SMAP1: variants seen among roughly 807,000 people sequenced by gnomAD.
SMAP1 encodes the protein stromal membrane-associated protein 1.
SMAP1 carries 24 observed loss-of-function variants against 58.5 expected under a neutral mutation model. That is an observed-to-expected ratio of 0.41 (90% CI 0.30 to 0.58). The LOEUF (loss-of-function observed/expected upper bound fraction) is 0.58, where lower values mean the gene tolerates loss of function less well. Ranked by LOEUF, SMAP1 falls within the 20% of genes least tolerant of loss-of-function variation. The probability of loss-of-function intolerance (pLI) is 0.29; values close to 1 mark genes in which losing one functional copy is unlikely to be tolerated. For missense variants in SMAP1, 563 were observed against 566.3 expected, an observed-to-expected ratio of 0.99 and a Z score of 0.06; for synonymous variants, 216 against 196.6, an observed-to-expected ratio of 1.10 and a Z score of -0.82.
chr6:70,761,886 G>A (rs1398886758), intron 3 of SMAP1, among the ~76,000 whole-genome samples: 1 of 152,016 alleles, frequency 6.6e-6, no homozygotes, highest in Non-Finnish European at 1.5e-5. Context: ...TATACTAAGT[G>A]CTTTATGTAT....
intron 2 of SMAP1, among the ~76,000 whole-genome samples, chr6:70,736,278 G>A (rs1765614950): frequency 6.6e-6 from 1 of 152,144 alleles, no homozygotes. Flanking sequence ...TTCTTTTAAT[G>A]TGGTTCATGG....
intron 1 of SMAP1, among the ~76,000 whole-genome samples, chr6:70,718,423 G>A (rs905250009): frequency 6.6e-6 from 1 of 152,142 alleles, no homozygotes; most frequent in African/African-American, 2.4e-5. Context: ...GGGGGAATGT[G>A]AAAAAGCAAT....
At chr6:70,824,940 T>G (rs1337925673) in intron 6 of SMAP1, among the ~76,000 whole-genome samples, 1 of 152,238 alleles carries the variant, frequency 6.6e-6, no homozygotes, top group Non-Finnish European at 1.5e-5. Context: ...TTCTTTCTGC[T>G]TTTGAAGCAA....
chr6:70,857,847 T>G (rs1439059716), intron 9 of SMAP1, 75 bp from the exon 10 acceptor site: 2 of 1,524,858 alleles, frequency 1.3e-6, no homozygotes, highest in African/African-American at 1.4e-5. Context: ...GAAAGGCAAT[T>G]TTTCTGTGAT....
At chr6:70,742,926 C>A (rs919160122) in intron 2 of SMAP1, among the ~76,000 whole-genome samples, 1 of 152,076 alleles carries the variant, frequency 6.6e-6, no homozygotes, top group Admixed American at 6.6e-5. Context: ...TTTATGACCA[C>A]GAGAACAGTA....
intron 4 of SMAP1, among the ~76,000 whole-genome samples, chr6:70,784,931 C>G (rs1031311193): frequency 1.1e-4 from 16 of 152,274 alleles, no homozygotes; most frequent in African/African-American, 3.9e-4. Flanking sequence ...AGGAATAGAA[C>G]TCAGCTCTGC....
At chr6:70,817,863 G>T (rs912386785) in intron 6 of SMAP1, among the ~76,000 whole-genome samples, 4 of 152,126 alleles carry the variant, frequency 2.6e-5, no homozygotes. Context: ...TTTAGAAATT[G>T]AGAATTGTCT....
intron 4 of SMAP1, among the ~76,000 whole-genome samples, chr6:70,782,531 C>A (rs184344863): frequency 2.0e-4 from 30 of 152,234 alleles, no homozygotes; most frequent in African/African-American, 7.2e-4. Context: ...GCCTAGCTTC[C>A]CAGCCTACAT....
intron 6 of SMAP1, among the ~76,000 whole-genome samples, chr6:70,830,972 C>T (rs1485816383): frequency 1.3e-5 from 2 of 152,216 alleles, no homozygotes; most frequent in Non-Finnish European, 2.9e-5. Context: ...GCTACAGATA[C>T]TGTAATGAGG....
intron 1 of SMAP1, among the ~76,000 whole-genome samples, chr6:70,695,035 C>T (rs1490627354): frequency 6.6e-6 from 1 of 152,066 alleles, no homozygotes; most frequent in Non-Finnish European, 1.5e-5. Flanking sequence ...TTATTTATCT[C>T]ATTGTATTTG....
At chr6:70,771,198 G>C (rs914859425) in intron 3 of SMAP1, among the ~76,000 whole-genome samples, 2 of 152,214 alleles carry the variant, frequency 1.3e-5, no homozygotes, top group East Asian at 3.8e-4. Context: ...CAGAGGTCAG[G>C]GGTCAGGGAC....
chr6:70,710,120 C>T (rs1767992851), intron 1 of SMAP1, among the ~76,000 whole-genome samples: 1 of 152,104 alleles, frequency 6.6e-6, no homozygotes, highest in Non-Finnish European at 1.5e-5. Flanking sequence ...GTACTGAATA[C>T]TGTAGGCAAT....
chr6:70,746,848 G>A (rs891847040), intron 2 of SMAP1, among the ~76,000 whole-genome samples: 2 of 152,106 alleles, frequency 1.3e-5, no homozygotes, highest in Non-Finnish European at 2.9e-5. Context: ...CTCAATTTCA[G>A]AGGCTGATTT....
At chr6:70,778,503 A>T (rs1200224287) in intron 4 of SMAP1, among the ~76,000 whole-genome samples, 1 of 152,240 alleles carries the variant, frequency 6.6e-6, no homozygotes, top group Admixed American at 6.5e-5. Flanking sequence ...GATGTGATGT[A>T]TCACATTTAT....
rs1405889567 is a variant in SMAP1 at position 70,861,918 on chromosome 6, C to T, written c.*1584C>T. ...AGATTCTTGCATCCCTGGCTGGGAT[C>T]CACGACGCTTAAATACAGCTTTTGG... is the stretch of plus-strand genomic sequence containing the variant. On this transcript the variant is annotated 3_prime_UTR_variant, in exon 11 of 11. Coordinates refer to ENST00000370455, the MANE Select transcript of SMAP1 (RefSeq NM_001044305.3). The T allele has an allele frequency of 3.7e-6, 6 of 1,613,616 alleles. No homozygotes were observed. Among genetic ancestry groups the T allele is most frequent in the Non-Finnish European group, 5.1e-6 (6 of 1,179,842 alleles).
At chr6:70,830,330 G>A (rs1770307698) in intron 6 of SMAP1, among the ~76,000 whole-genome samples, 2 of 152,068 alleles carry the variant, frequency 1.3e-5, no homozygotes, top group Admixed American at 6.6e-5. Context: ...GGGAAGGTGT[G>A]GTCATCAAGG....
chr6:70,696,174 C>A (rs1562098375), intron 1 of SMAP1, among the ~76,000 whole-genome samples: 1 of 151,628 alleles, frequency 6.6e-6, no homozygotes, highest in South Asian at 2.1e-4. Flanking sequence ...CTTCGTCTGG[C>A]TTATCTTTTG....
chr6:70,767,885 G>T (rs1433259191), intron 3 of SMAP1, among the ~76,000 whole-genome samples: 3 of 142,472 alleles, frequency 2.1e-5, no homozygotes, highest in Admixed American at 7.2e-5. Context: ...TTGGCTGTGG[G>T]TTTGTCATAG....
chr6:70,738,266 C>T (rs1166380998), intron 2 of SMAP1, among the ~76,000 whole-genome samples: 1 of 152,088 alleles, frequency 6.6e-6, no homozygotes, highest in Non-Finnish European at 1.5e-5. Context: ...AAAATTATAT[C>T]ATGGTTAGTG....
Sources: allele counts gnomAD v4.1 joint callset (sites outside exome capture counted in the v4.1 genomes callset), GRCh38; gene constraint gnomAD v4.1.1; transcripts MANE v1.5; gene names NCBI Gene and HGNC (gene_info 2026-07-23, HGNC 2026-07-21).